GRIK3: variants seen among roughly 807,000 people sequenced by gnomAD.
GRIK3 encodes the protein glutamate receptor ionotropic, kainate 3.
GRIK3 carries 29 observed loss-of-function variants against 102.5 expected under a neutral mutation model. That is an observed-to-expected ratio of 0.28 (90% CI 0.21 to 0.39). The LOEUF (loss-of-function observed/expected upper bound fraction) is 0.39. GRIK3 is among the 10% of genes least tolerant of loss of function. GRIK3 has a pLI of 1.00. For missense variants in GRIK3, 908 were observed against 1,252.4 expected (o/e 0.73, Z 4.15); for synonymous variants, 511 against 504.9 (o/e 1.01, Z -0.16).
intron 1 of GRIK3, among the ~76,000 whole-genome samples, chr1:36,992,049 G>A (rs1642368803): frequency 2.0e-5 from 3 of 152,134 alleles, no homozygotes; most frequent in African/African-American, 4.8e-5. Flanking sequence ...GAGAAAGCCC[G>A]ACTCCTAGTC....
At chr1:36,894,281 T>G (rs1391048352) in intron 1 of GRIK3, among the ~76,000 whole-genome samples, 1 of 152,262 alleles carries the variant, frequency 6.6e-6, no homozygotes, top group Non-Finnish European at 1.5e-5. Context: ...TGGCTTTTTG[T>G]ATTTCGTGTG....
At chr1:36,814,661 T>C (rs1283705132) in intron 13 of GRIK3, among the ~76,000 whole-genome samples, 1 of 151,728 alleles carries the variant, frequency 6.6e-6, no homozygotes, top group Non-Finnish European at 1.5e-5. Flanking sequence ...CTCAGATTCA[T>C]GCATGCATAG....
intron 11 of GRIK3, among the ~76,000 whole-genome samples, chr1:36,820,313 C>T (rs890669107): frequency 6.6e-6 from 1 of 152,080 alleles, no homozygotes; most frequent in Non-Finnish European, 1.5e-5. Flanking sequence ...TTGAGATGTG[C>T]TGGTGGGGAA....
At chr1:37,032,963 C>A (rs1001820589) in intron 1 of GRIK3, among the ~76,000 whole-genome samples, 10 of 152,214 alleles carry the variant, frequency 6.6e-5, no homozygotes, top group African/African-American at 2.4e-4. Flanking sequence ...CGGCGGAGTC[C>A]GGCTCGCCTG....
At chr1:37,032,618 C>T (rs926961124) in intron 1 of GRIK3, among the ~76,000 whole-genome samples, 5 of 152,154 alleles carry the variant, frequency 3.3e-5, no homozygotes, top group African/African-American at 1.2e-4. Context: ...TTAAGCCTGA[C>T]CATAAGGGTT....
intron 7 of GRIK3, among the ~76,000 whole-genome samples, chr1:36,856,944 A>G (rs988326415): frequency 3.3e-5 from 5 of 152,170 alleles, no homozygotes; most frequent in African/African-American, 1.2e-4. Context: ...CGATAGTGGA[A>G]GTAACAGTGA....
intron 3 of GRIK3, among the ~76,000 whole-genome samples, chr1:36,875,099 T>C: frequency 6.6e-6 from 1 of 152,224 alleles, no homozygotes; most frequent in African/African-American, 2.4e-5. Flanking sequence ...AGAAGGCATA[T>C]AGAACAAGGA....
At position 36,850,817 on chromosome 1, in the gene GRIK3, C is replaced by G. The variant is rs185752646; in HGVS notation, c.1213-393G>C. ...CAGTGCCAGGTCTTGCCCTGGGACA[C>G]AGTCTTTGTGGCTGTTTTGGGGTGG... On this transcript the variant is annotated intron_variant, in intron 8 of 15. Transcript: ENST00000373091. The surrounding 1 kb of genome is among the most constrained non-coding windows in gnomAD (Gnocchi z 4.0). Among the ~76,000 whole-genome samples the G allele has an allele frequency of 6.6e-6, 1 of 152,224 alleles. No homozygotes were observed. Among genetic ancestry groups the G allele is most frequent in the Non-Finnish European group, 1.5e-5 (1 of 68,054 alleles).
At chr1:37,031,887 A>G (rs1466623710) in intron 1 of GRIK3, among the ~76,000 whole-genome samples, 1 of 152,138 alleles carries the variant, frequency 6.6e-6, no homozygotes, top group Non-Finnish European at 1.5e-5. Flanking sequence ...GCTCCCCAGG[A>G]GTCTCCAGAG....
At chr1:36,804,349 A>G (rs753816310) in intron 15 of GRIK3, among the ~76,000 whole-genome samples, 2 of 152,204 alleles carry the variant, frequency 1.3e-5, no homozygotes, top group East Asian at 1.9e-4. Context: ...CCACAGACCA[A>G]TTAAAACAGA....
At chr1:36,958,314 C>T (rs1453692980) in intron 1 of GRIK3, among the ~76,000 whole-genome samples, 8 of 83,954 alleles carry the variant, frequency 9.5e-5, no homozygotes, top group Admixed American at 9.3e-4. Context: ...TCTGTGTGCC[C>T]GGTGAGTCTG....
chr1:36,962,001 T>C (rs1642015932), intron 1 of GRIK3, among the ~76,000 whole-genome samples: 1 of 152,092 alleles, frequency 6.6e-6, no homozygotes, highest in East Asian at 1.9e-4. Flanking sequence ...GGGATGCAGA[T>C]GAAGGACCCC....
At position 36,902,729 on chromosome 1, in the gene GRIK3, C is replaced by T. The variant is rs140912846; in HGVS notation, c.116-11633G>A. Among the ~76,000 whole-genome samples, 730 of 152,272 alleles carry T rather than the reference C, an allele frequency of 4.8e-3. 1 individual carries two copies. The highest frequency in any genetic ancestry group is 0.01 in the Middle Eastern group (3 of 294). ...TACATTAAAATTAAAATTTTCTGCT[C>T]TGCAAAAGACACAGTAAAGAGAATG... On this transcript the variant is annotated intron_variant, in intron 1 of 15. Transcript: ENST00000373091.
intron 1 of GRIK3, among the ~76,000 whole-genome samples, chr1:36,969,513 T>C (rs539434923): frequency 4.8e-4 from 73 of 152,350 alleles, no homozygotes; most frequent in African/African-American, 1.7e-3. Flanking sequence ...GCACTAACCA[T>C]GTGCCAAGCC....
chr1:36,934,967 C>T (rs893026675), intron 1 of GRIK3, among the ~76,000 whole-genome samples: 5 of 152,186 alleles, frequency 3.3e-5, no homozygotes, highest in East Asian at 1.9e-4. Context: ...TTTCCACTTC[C>T]CTGTTGTATT....
At position 36,907,139 on chromosome 1, in the gene GRIK3, C is replaced by T. The variant is rs75478761; in HGVS notation, c.116-16043G>A. Among the ~76,000 whole-genome samples the T allele has an allele frequency of 7.3e-4, 111 of 152,178 alleles. 2 individuals carry two copies. In the South Asian group the frequency reaches 8.9e-3, roughly 12 times the overall value. ...CTCTACTTGTTCTGGGGGTGGGCAG[C>T]GTTTATTTCAGAGGTGAGTGAGTGT... On this transcript the variant is annotated intron_variant, in intron 1 of 15. Transcript: ENST00000373091.
At chr1:36,882,713 GAA>G (rs1345523514) in intron 2 of GRIK3, among the ~76,000 whole-genome samples, 1 of 152,150 alleles carries the variant, frequency 6.6e-6, no homozygotes, top group African/African-American at 2.4e-5. Context: ...CTCTTTAAGT[GAA>G]CCTTCAAGGA....
intron 1 of GRIK3, among the ~76,000 whole-genome samples, chr1:36,980,950 C>A (rs570715283): frequency 6.6e-6 from 1 of 151,712 alleles, no homozygotes; most frequent in Non-Finnish European, 1.5e-5. Context: ...ATCAGCTTGG[C>A]CAAGAAACAA....
At chr1:36,861,942 G>A (rs542998680) in intron 5 of GRIK3, among the ~76,000 whole-genome samples, 1 of 152,070 alleles carries the variant, frequency 6.6e-6, no homozygotes, top group African/African-American at 2.4e-5. Flanking sequence ...AGTAGGGAGT[G>A]GGGGGTGGCA....
Sources: allele counts gnomAD v4.1 joint callset (sites outside exome capture counted in the v4.1 genomes callset), GRCh38; gene constraint gnomAD v4.1.1; non-coding constraint Gnocchi (gnomAD v3.1); transcripts MANE v1.5; gene names NCBI Gene and HGNC (gene_info 2026-07-23, HGNC 2026-07-21).